Variants in PTPDC1 observed in about 807,000 individuals in gnomAD.
The protein encoded by PTPDC1 is protein tyrosine phosphatase domain containing 1, also known as protein tyrosine phosphatase domain-containing protein 1.
Under a neutral mutation model 75.3 loss-of-function variants are expected in PTPDC1, and 53 were observed. That is an observed-to-expected ratio of 0.70 (90% confidence interval 0.56 to 0.88). The LOEUF (loss-of-function observed/expected upper bound fraction) is 0.88. Among genes scored for constraint, PTPDC1 ranks in the 40% least tolerant of loss-of-function variants. The pLI, the probability that PTPDC1 is intolerant of heterozygous loss-of-function variation, is 0.00. For synonymous variants in PTPDC1, 349 were observed against 366.2 expected, an observed-to-expected ratio of 0.95 and a Z score of 0.54; for missense variants, 925 against 998.6, an observed-to-expected ratio of 0.93 and a Z score of 0.99.
intron 1 of PTPDC1, among the ~76,000 whole-genome samples, chr9:94,056,145 T>C (rs1825927047): frequency 6.6e-6 from 1 of 152,228 alleles, no homozygotes; most frequent in South Asian, 2.1e-4. Context: ...ATACTAGTGG[T>C]ACTCAGTAAT....
intron 1 of PTPDC1, among the ~76,000 whole-genome samples, chr9:94,050,960 G>A (rs1825772338): frequency 6.6e-6 from 1 of 152,210 alleles, no homozygotes; most frequent in Admixed American, 6.5e-5. Context: ...TTTGATCTCA[G>A]ACTGCTGTGT....
chr9:94,102,519 T>G (rs1827878394), intron 7 of PTPDC1, among the ~76,000 whole-genome samples: 1 of 152,172 alleles, frequency 6.6e-6, no homozygotes, highest in Non-Finnish European at 1.5e-5. Flanking sequence ...TTTATCATTT[T>G]TATCCATACA....
intron 4 of PTPDC1, among the ~76,000 whole-genome samples, chr9:94,092,913 C>CT (rs1266910310): frequency 6.6e-6 from 1 of 150,956 alleles, no homozygotes; most frequent in Non-Finnish European, 1.5e-5. Context: ...CAACCCCTGC[C>CT]TTTTTTTGTT....
chr9:94,094,773 C>A (rs902937213), intron 4 of PTPDC1, among the ~76,000 whole-genome samples: 3 of 152,248 alleles, frequency 2.0e-5, no homozygotes, highest in Non-Finnish European at 4.4e-5. Context: ...GGGATATAAT[C>A]TTGTGGTGCG....
chr9:94,039,700 T>G (rs949244939), intron 1 of PTPDC1, among the ~76,000 whole-genome samples: 1 of 152,116 alleles, frequency 6.6e-6, no homozygotes, highest in Non-Finnish European at 1.5e-5. Flanking sequence ...CATGCCAGTA[T>G]GTTCCTGCCT....
chr9:94,104,502 C>A, intron 8 of PTPDC1, 117 bp downstream of exon 8: 1 of 614,910 alleles, frequency 1.6e-6, no homozygotes, highest in Non-Finnish European at 2.8e-6. Flanking sequence ...TATGTTTTCC[C>A]TTCATGGAAA....
rs1457980179 is a variant in PTPDC1, at chr9:94,064,579, TAAC to T, written c.-6-153_-6-151del. ...CAGCATCTTGTGTGTATTTTACACT[TAAC>T]AGCACATCTCAACCTGACTAGCCAT... On this transcript the variant is annotated intron_variant, in intron 1 of 9. Coordinates refer to the PTPDC1 transcript ENST00000375360. Among the ~76,000 whole-genome samples, 7 of 152,230 alleles carry T rather than the reference TAAC, an allele frequency of 4.6e-5. No homozygotes were observed. In the East Asian group the frequency reaches 9.6e-4, roughly 21 times the overall value.
At chr9:94,101,528 C>T in intron 6 of PTPDC1, 38 bp from the exon 7 acceptor site, 1 of 1,526,758 alleles carries the variant, frequency 6.5e-7, no homozygotes, top group Non-Finnish European at 9.0e-7. Context: ...CTCCCTGTCT[C>T]TGTCTCTGTC....
intron 1 of PTPDC1, among the ~76,000 whole-genome samples, chr9:94,055,591 A>C (rs577467960): frequency 6.6e-6 from 1 of 152,332 alleles, no homozygotes; most frequent in African/African-American, 2.4e-5. Flanking sequence ...AAAGAAATCA[A>C]TCTGAGAAGG....
chr9:94,052,337 A>G (rs1158252638), intron 1 of PTPDC1, among the ~76,000 whole-genome samples: 3 of 152,018 alleles, frequency 2.0e-5, no homozygotes, highest in Non-Finnish European at 4.4e-5. Flanking sequence ...TATACTTTCT[A>G]TTATTTCTCT....
Position 94,085,433 on chromosome 9 carries a change from C to A in PTPDC1, c.416+11C>A. On this transcript the variant is annotated intron_variant, in intron 2 of 8. Coordinates refer to ENST00000620992, the MANE Select transcript of PTPDC1 (RefSeq NM_001253829.2). ...GGTTTACTCATCCTGGTGAGTGATC[C>A]TGTTGGTCTTTCATAGCTCTGTTGG... 2 of 1,613,800 alleles carry A rather than the reference C, an allele frequency of 1.2e-6. No individual in the cohort carries two copies. The highest frequency in any genetic ancestry group is 2.2e-5 in the South Asian group (2 of 91,042).
chr9:94,081,418 C>T (rs565081663), upstream of PTPDC1, among the ~76,000 whole-genome samples: 415 of 152,186 alleles, frequency 2.7e-3, 2 homozygotes, highest in African/African-American at 9.6e-3. Context: ...ATATTGGCTA[C>T]CAGAGAGGCT....
rs1178222444 is a variant in PTPDC1, at chr9:94,104,396, C to T, written c.2310+11C>T. ...AAGGCATTCACTAAGGTGGGTCATA[C>T]TCTTCCTTTCCCCTCTCTGAACCAC... is the stretch of plus-strand genomic sequence containing the variant. On this transcript the variant is annotated intron_variant, in intron 8 of 8. Coordinates refer to ENST00000620992, the MANE Select transcript of PTPDC1 (RefSeq NM_001253829.2). 8 of 1,551,982 alleles carry T rather than the reference C, an allele frequency of 5.2e-6. No individual in the cohort carries two copies. The highest frequency in any genetic ancestry group is 1.1e-5 in the South Asian group (1 of 89,242).
In PTPDC1 at chr9:94,098,259, G is replaced by A. The variant is rs780561798; in HGVS notation, c.1693G>A (p.Val565Ile). The A allele has an allele frequency of 2.5e-6, 4 of 1,614,072 alleles. No individual in the cohort carries two copies. In the South Asian group the frequency reaches 4.4e-5, roughly 18 times the overall value. Residue 565 changes from valine to isoleucine, a missense_variant, in exon 6 of 9, where the codon GTC (valine) becomes ATC (isoleucine). Transcript: ENST00000620992. ...GCCAGTTTCACCCAGCTTTGCAAAT[G>A]TCCATAAGGATCCAAACCCTGCTCA... ...GEPVSPSFANVHKDPNPAHQQ... is the reference protein window; with the variant it reads ...GEPVSPSFANIHKDPNPAHQQ...
intron 2 of PTPDC1, among the ~76,000 whole-genome samples, chr9:94,086,307 C>T (rs1051032602): frequency 1.3e-5 from 2 of 152,184 alleles, no homozygotes; most frequent in African/African-American, 4.8e-5. Context: ...CATAGTCAGA[C>T]AAGAAAATTT....
At chr9:94,040,036 T>A (rs1282327083) in intron 1 of PTPDC1, among the ~76,000 whole-genome samples, 2 of 152,274 alleles carry the variant, frequency 1.3e-5, no homozygotes, top group East Asian at 3.9e-4. Context: ...GAGGTACTTA[T>A]AAGTAGAAAA....
intron 1 of PTPDC1, among the ~76,000 whole-genome samples, chr9:94,045,599 G>A (rs1229189216): frequency 2.6e-5 from 4 of 152,138 alleles, no homozygotes; most frequent in African/African-American, 4.8e-5. Context: ...GGCCAGTGAT[G>A]ATGAGCATTT....
intron 1 of PTPDC1, among the ~76,000 whole-genome samples, chr9:94,059,103 A>G (rs1418742020): frequency 6.6e-6 from 1 of 152,188 alleles, no homozygotes; most frequent in Admixed American, 6.5e-5. Context: ...AGAAAAGATA[A>G]TCCATTTGAC....
chr9:94,060,394 T>G (rs1826090746), intron 1 of PTPDC1, among the ~76,000 whole-genome samples: 1 of 152,212 alleles, frequency 6.6e-6, no homozygotes. Flanking sequence ...AACTTAAAGT[T>G]TCTGAAGGAT....
Sources: allele counts gnomAD v4.1 joint callset (sites outside exome capture counted in the v4.1 genomes callset), GRCh38; gene constraint gnomAD v4.1.1; transcripts MANE v1.5; gene names NCBI Gene and HGNC (gene_info 2026-07-23, HGNC 2026-07-21).